CSMD1: variants seen among roughly 807,000 people sequenced by gnomAD.
CSMD1 encodes CUB and Sushi multiple domains 1, also known as CUB and sushi domain-containing protein 1.
Under a neutral mutation model 417.5 loss-of-function variants are expected in CSMD1, and 213 were observed. That is an observed-to-expected ratio of 0.51 (90% CI 0.46 to 0.57). CSMD1 has a LOEUF of 0.57. Among genes scored for constraint, CSMD1 ranks in the 20% least tolerant of loss-of-function variants. The pLI is 0.00. For synonymous variants in CSMD1, 2,862 were observed against 1,736.8 expected (o/e 1.65, Z -16.11); for missense variants, 6,923 against 4,529.7 (o/e 1.53, Z -15.17).
rs369730023 is a variant in CSMD1 at position 3,892,427 on chromosome 8, G to C, written c.818+105476C>G. Among the ~76,000 whole-genome samples, 14 of 152,244 alleles carry C rather than the reference G, an allele frequency of 9.2e-5. No homozygotes were observed. In the East Asian group the frequency reaches 2.1e-3, roughly 23 times the overall value. On this transcript the variant is annotated intron_variant, in intron 5 of 69. Transcript: ENST00000635120. ...ATCAAGGAGAACTTCCCCAAAGCTT[G>C]TGAAGTGACAGGCTTCATAGCCCCT...
chr8:3,035,962 T>C (rs911467688), intron 50 of CSMD1, among the ~76,000 whole-genome samples: 1 of 152,208 alleles, frequency 6.6e-6, no homozygotes, highest in African/African-American at 2.4e-5. Context: ...TTCAAAATAT[T>C]TGACATGGTT....
chr8:4,032,161 T>G, intron 3 of CSMD1, 62 bp from the exon 4 acceptor site: 1 of 1,301,338 alleles, frequency 7.7e-7, no homozygotes, highest in Non-Finnish European at 1.1e-6. Context: ...GAGCCACTTA[T>G]AAGATAAAAC....
Position 3,105,168 on chromosome 8 carries a change from C to A in CSMD1, c.6949+1360G>T, listed in dbSNP as rs946638357. Among the ~76,000 whole-genome samples, 6 of 152,298 alleles carry A rather than the reference C, an allele frequency of 3.9e-5. No individual in the cohort carries two copies. In the Middle Eastern group the frequency reaches 0.014, roughly 345 times the overall value. On this transcript the variant is annotated intron_variant, in intron 46 of 69. Coordinates refer to ENST00000635120, the MANE Select transcript of CSMD1 (RefSeq NM_033225.6). Reference sequence around the variant, plus strand: ...TCATTTAATACTCGGTGAGTCTTTACAACAATCTCAAAAATAAAGCGGATA... The same window carrying A: ...TCATTTAATACTCGGTGAGTCTTTAAAACAATCTCAAAAATAAAGCGGATA...
rs544136623 is a variant in CSMD1, at chr8:4,643,335, T to C, written c.86-5777A>G. ...TTTATGGTTTTCATGTCTATATAAATTACTGTGTAAACGAGAACTTGATTA... is the reference window on the plus strand; with the variant it reads ...TTTATGGTTTTCATGTCTATATAAACTACTGTGTAAACGAGAACTTGATTA... On this transcript the variant is annotated intron_variant, in intron 1 of 69. Transcript: ENST00000635120. Among the ~76,000 whole-genome samples the C allele has an allele frequency of 3.9e-5, 6 of 152,304 alleles. No individual in the cohort carries two copies. In the South Asian group the frequency reaches 1.0e-3, roughly 26 times the overall value.
chr8:3,006,094 G>A (rs939933172), intron 52 of CSMD1, among the ~76,000 whole-genome samples: 5 of 150,860 alleles, frequency 3.3e-5, no homozygotes, highest in African/African-American at 1.2e-4. Flanking sequence ...CAAAATCAAT[G>A]TGCAAAAATC....
intron 2 of CSMD1, among the ~76,000 whole-genome samples, chr8:4,441,355 C>T (rs925063611): frequency 2.7e-5 from 4 of 149,690 alleles, no homozygotes; most frequent in African/African-American, 9.8e-5. Context: ...CCAAGCAATC[C>T]TCCTGTCTGA....
At chr8:4,681,459 G>A (rs1806047156) in intron 1 of CSMD1, among the ~76,000 whole-genome samples, 1 of 152,160 alleles carries the variant, frequency 6.6e-6, no homozygotes, top group Non-Finnish European at 1.5e-5. Flanking sequence ...GGACTTTGGT[G>A]AAATGAAACC....
chr8:3,565,249 C>A (rs1469502480), intron 10 of CSMD1, among the ~76,000 whole-genome samples: 1 of 147,222 alleles, frequency 6.8e-6, no homozygotes, highest in African/African-American at 2.5e-5. Context: ...TGATGACAGC[C>A]AAGATGAACT....
intron 64 of CSMD1, among the ~76,000 whole-genome samples, chr8:2,954,735 T>C (rs1352766168): frequency 1.3e-5 from 2 of 152,264 alleles, no homozygotes; most frequent in African/African-American, 2.4e-5. Context: ...TTTTGGTCTA[T>C]CAAGTTAGAT....
intron 5 of CSMD1, among the ~76,000 whole-genome samples, chr8:3,830,844 A>G (rs1802335367): frequency 6.6e-6 from 1 of 152,334 alleles, no homozygotes; most frequent in South Asian, 2.1e-4. Flanking sequence ...CCTTTCATGC[A>G]TGCCTAATGA....
At chr8:3,489,876 A>C (rs1818271419) in intron 11 of CSMD1, among the ~76,000 whole-genome samples, 1 of 152,210 alleles carries the variant, frequency 6.6e-6, no homozygotes, top group African/African-American at 2.4e-5. Flanking sequence ...TGAAGTAGTG[A>C]ATGCCAGTCT....
At chr8:4,107,126 G>C (rs1191656013) in intron 3 of CSMD1, among the ~76,000 whole-genome samples, 1 of 152,146 alleles carries the variant, frequency 6.6e-6, no homozygotes, top group Non-Finnish European at 1.5e-5. Context: ...TAACAACCAA[G>C]CATAGTACTG....
chr8:3,369,146 G>T, intron 19 of CSMD1, 108 bp downstream of exon 19: 1 of 592,322 alleles, frequency 1.7e-6, no homozygotes, highest in Non-Finnish European at 3.0e-6. Context: ...CTATACATGA[G>T]AAAAGTAGTT....
chr8:4,357,786 G>A (rs1047043027), intron 3 of CSMD1, among the ~76,000 whole-genome samples: 3 of 152,048 alleles, frequency 2.0e-5, no homozygotes, highest in Non-Finnish European at 4.4e-5. Context: ...TAAGGAGGAT[G>A]GGGAGACAGA....
chr8:4,132,987 G>A (rs933280026), intron 3 of CSMD1, among the ~76,000 whole-genome samples: 1 of 152,118 alleles, frequency 6.6e-6, no homozygotes, highest in Non-Finnish European at 1.5e-5. Flanking sequence ...AGGCTGCAGT[G>A]CAGTGGCGCG....
chr8:4,660,230 C>T (rs12680763), intron 1 of CSMD1, among the ~76,000 whole-genome samples: 1 of 151,716 alleles, frequency 6.6e-6, no homozygotes, highest in Admixed American at 6.6e-5. Flanking sequence ...AGGAATCTAC[C>T]AAGAAATTCC....
chr8:4,246,350 G>T (rs1362109892), intron 3 of CSMD1, among the ~76,000 whole-genome samples: 1 of 152,118 alleles, frequency 6.6e-6, no homozygotes, highest in Non-Finnish European at 1.5e-5. Flanking sequence ...AAAGGACACG[G>T]TCAGTCCTTA....
chr8:4,755,280 C>T (rs913417013), intron 1 of CSMD1, among the ~76,000 whole-genome samples: 1 of 152,192 alleles, frequency 6.6e-6, no homozygotes, highest in African/African-American at 2.4e-5. Context: ...TTGCCTTCAA[C>T]TTGGAAATAT....
At chr8:3,293,414 A>T (rs1198340226) in intron 25 of CSMD1, among the ~76,000 whole-genome samples, 1 of 152,200 alleles carries the variant, frequency 6.6e-6, no homozygotes, top group Non-Finnish European at 1.5e-5. Context: ...AATATCCTGC[A>T]GAGTGTTTTC....
Sources: allele counts gnomAD v4.1 joint callset (sites outside exome capture counted in the v4.1 genomes callset), GRCh38; gene constraint gnomAD v4.1.1; transcripts MANE v1.5; gene names NCBI Gene and HGNC (gene_info 2026-07-23, HGNC 2026-07-21).